Variants in CDC14B observed in about 807,000 individuals in gnomAD.
CDC14B encodes cell division cycle 14B.
A neutral mutation model predicts 64.2 loss-of-function variants in CDC14B; 22 were observed. The ratio of observed to expected loss-of-function variants is 0.34; its 90% CI spans 0.24 to 0.49. The LOEUF is 0.49. Ranked by LOEUF, CDC14B falls within the 20% of genes least tolerant of loss-of-function variation. The pLI, the probability that CDC14B is intolerant of heterozygous loss-of-function variation, is 0.99. For synonymous variants in CDC14B, 191 were observed against 215.8 expected (o/e 0.89, Z 1.01); for missense variants, 498 against 629.9 (o/e 0.79, Z 2.24).
chr9:96,584,682 C>T (rs1342723690), intron 1 of CDC14B, among the ~76,000 whole-genome samples: 1 of 152,140 alleles, frequency 6.6e-6, no homozygotes, highest in East Asian at 1.9e-4. Context: ...GTGACGGAGT[C>T]CCGCTTTGTC....
intron 1 of CDC14B, among the ~76,000 whole-genome samples, chr9:96,607,148 A>G (rs1847004888): frequency 6.6e-6 from 1 of 152,058 alleles, no homozygotes; most frequent in African/African-American, 2.4e-5. Flanking sequence ...AATATCCCAC[A>G]TATCTTTATT....
chr9:96,534,407 T>C (rs781458571), intron 8 of CDC14B, 48 bp downstream of exon 8: 2 of 1,289,212 alleles, frequency 1.6e-6, no homozygotes, highest in Admixed American at 1.7e-5. Context: ...AAATATAGGA[T>C]AGATATTTTC....
intron 7 of CDC14B, among the ~76,000 whole-genome samples, chr9:96,537,387 C>A (rs1469974836): frequency 1.3e-5 from 2 of 152,200 alleles, no homozygotes; most frequent in South Asian, 2.1e-4. Context: ...ATGCCCCAGG[C>A]TCCTGGGATG....
At chr9:96,543,260 G>A (rs543215996) in intron 5 of CDC14B, among the ~76,000 whole-genome samples, 16 of 151,256 alleles carry the variant, frequency 1.1e-4, no homozygotes, top group Non-Finnish European at 1.2e-4. Context: ...GCGTGAACCC[G>A]GAGGCGGAGC....
intron 4 of CDC14B, 52 bp downstream of exon 4, chr9:96,562,641 G>A (rs1406982143): frequency 4.4e-6 from 5 of 1,131,760 alleles, no homozygotes; most frequent in Non-Finnish European, 6.7e-6. Context: ...CAAATGTAAA[G>A]AACCACTGTT....
chr9:96,526,028 C>T (rs1445411908), intron 9 of CDC14B, among the ~76,000 whole-genome samples: 2 of 151,974 alleles, frequency 1.3e-5, no homozygotes, highest in African/African-American at 4.8e-5. Context: ...TAAATAAGGT[C>T]ACAGAGTGGG....
At chr9:96,524,249 G>T (rs1284537705) in intron 9 of CDC14B, among the ~76,000 whole-genome samples, 2 of 152,212 alleles carry the variant, frequency 1.3e-5, no homozygotes, top group Non-Finnish European at 2.9e-5. Context: ...CTTACGCCAA[G>T]AATTTAGATT....
In CDC14B at chr9:96,551,891, G is replaced by T. The variant is rs1471968252; in HGVS notation, c.421-19C>A. On this transcript the variant is annotated intron_variant, in intron 4 of 13. Transcript: ENST00000375241. The stretch of plus-strand genomic sequence containing the variant: ...ATATAACCTATGTTTGAAAAAAGAA[G>T]AAAAAGGCAATTTATTTCTAAGTGA... The T allele has an allele frequency of 2.5e-6, 4 of 1,588,456 alleles. No individual in the cohort carries two copies. The highest frequency in any genetic ancestry group is 2.2e-5 in the East Asian group (1 of 44,620).
chr9:96,492,211 TCTC>T (rs1833109301), exon 14 of CDC14B: 1 of 152,200 alleles, frequency 6.6e-6, no homozygotes, highest in Non-Finnish European at 1.5e-5. Flanking sequence ...CGTCCCCAAG[TCTC>T]CTGAAAAGTG....
chr9:96,567,039 G>T (rs1844101878), intron 1 of CDC14B: 3 of 1,258,604 alleles, frequency 2.4e-6, no homozygotes, highest in Non-Finnish European at 3.2e-6. Context: ...GAGGCCGTGG[G>T]GACGGACAGC....
At chr9:96,566,654 G>GGA in intron 1 of CDC14B, 1 of 993,996 alleles carries the variant, frequency 1.0e-6, no homozygotes, top group Non-Finnish European at 1.5e-6. Context: ...CCCACACGCA[G>GGA]GAGACAAGGG....
At chr9:96,602,057 TCAAAAACAAAAA>T (rs879367659) in intron 1 of CDC14B, among the ~76,000 whole-genome samples, 87 of 152,154 alleles carry the variant, frequency 5.7e-4, no homozygotes, top group Admixed American at 1.3e-3. Context: ...AGACTCAGTC[TCAAAAACAAAAA>T]CAAAAACAAA....
chr9:96,494,627 C>T (rs1833170565), intron 13 of CDC14B, among the ~76,000 whole-genome samples: 1 of 152,218 alleles, frequency 6.6e-6, no homozygotes, highest in Non-Finnish European at 1.5e-5. Context: ...CTCACACCCC[C>T]CACAGCTACG....
Position 96,534,039 on chromosome 9 carries a change from G to A in CDC14B, c.834C>T (p.Phe278=), listed in dbSNP as rs543171898. The A allele has an allele frequency of 9.3e-6, 15 of 1,613,060 alleles. No homozygotes were observed. In the East Asian group the frequency reaches 1.6e-4, roughly 17 times the overall value. The change falls in exon 9 of 14, where the codon TTC becomes TTT. Residue 278 remains phenylalanine (F), a synonymous_variant. Coordinates refer to ENST00000375241, the MANE Select transcript of CDC14B (RefSeq NM_033331.4). ...YDAKRFTDAG[F]DHHDLFFADG... The stretch of plus-strand genomic sequence containing the variant: ...CCGCAAAGAAAAGATCATGGTGATC[G>A]AAGCCAGCATCCGTAAAGCGTTTGG...
At chr9:96,514,410 A>G (rs1835329696) in intron 12 of CDC14B, 18 of 985,076 alleles carry the variant, frequency 1.8e-5, no homozygotes, top group Non-Finnish European at 2.2e-5. Context: ...AGGTTAATCT[A>G]TCTCAGAAAT....
At chr9:96,527,699 T>G (rs1376663868) in intron 9 of CDC14B, among the ~76,000 whole-genome samples, 1 of 152,048 alleles carries the variant, frequency 6.6e-6, no homozygotes, top group Non-Finnish European at 1.5e-5. Context: ...CACCGCAAGC[T>G]CCACCTCCCG....
At chr9:96,568,381 A>G (rs1168289638) in intron 1 of CDC14B, among the ~76,000 whole-genome samples, 1 of 152,252 alleles carries the variant, frequency 6.6e-6, no homozygotes, top group Non-Finnish European at 1.5e-5. Context: ...AAAATATGTT[A>G]AATTCATTGA....
At chr9:96,606,797 C>T (rs1322113251) in intron 1 of CDC14B, among the ~76,000 whole-genome samples, 1 of 151,882 alleles carries the variant, frequency 6.6e-6, no homozygotes, top group African/African-American at 2.4e-5. Context: ...AACTCTCGAT[C>T]TCAGATGATT....
In CDC14B at chr9:96,619,423, G is replaced by A; in HGVS notation, c.-45C>T. ...CAGGGGGCCACGACCATGGCCCCGCGCGCCCGCGCGCCCGCCGAGGCTCCC... is the reference window on the plus strand; with the variant it reads ...CAGGGGGCCACGACCATGGCCCCGCACGCCCGCGCGCCCGCCGAGGCTCCC... On this transcript the variant is annotated 5_prime_UTR_variant, in exon 1 of 14. Transcript: ENST00000375241. 2 of 1,086,648 alleles carry A rather than the reference G, an allele frequency of 1.8e-6. No homozygotes were observed. Among genetic ancestry groups the A allele is most frequent in the Non-Finnish European group, 2.2e-6 (2 of 894,516 alleles). The allele number at this position is 1,086,648 out of a possible 1,614,324, so 67.3% of individuals were successfully genotyped here.
Sources: gnomAD v4.1 joint callset for allele counts (sites outside exome capture counted in the v4.1 genomes callset) on GRCh38, gnomAD v4.1.1 for gene constraint, MANE v1.5 for transcripts, NCBI Gene and HGNC (gene_info 2026-07-23, HGNC 2026-07-21) for gene names.